Variants in ZNF570 observed in about 807,000 individuals in gnomAD.
ZNF570 encodes the protein zinc finger protein 570.
A neutral mutation model predicts 14.2 loss-of-function variants in ZNF570; 8 were observed. The ratio of observed to expected loss-of-function variants is 0.56; its 90% CI spans 0.33 to 1.02. The LOEUF is 1.02. Among genes scored for constraint, ZNF570 ranks in the 50% least tolerant of loss-of-function variants. The pLI is 0.03. For synonymous variants in ZNF570, 202 were observed against 207.6 expected (o/e 0.97, Z 0.23); for missense variants, 559 against 624.9 (o/e 0.89, Z 1.12).
rs1263360292 is a variant in ZNF570 at position 37,483,893 on chromosome 19, T to C, written c.271T>C (p.Cys91Arg). The part of the protein sequence containing the change: ...KGLCSGWEPI[C>R]ETEELTPKQD... ...TTACTTTTCAGGCTGGGAGCCTATA[T>C]GTGAGACTGAAGAATTAACCCCAAA... The change falls in exon 5 of 5, where the codon TGT (cysteine) becomes CGT (arginine). Residue 91 changes from cysteine to arginine, a missense_variant. Coordinates refer to ENST00000330173, the MANE Select transcript of ZNF570 (RefSeq NM_144694.5). 2 of 1,609,914 alleles carry C rather than the reference T, an allele frequency of 1.2e-6. No homozygotes were observed. Among genetic ancestry groups the C allele is most frequent in the Non-Finnish European group, 1.7e-6 (2 of 1,178,452 alleles).
At position 37,477,321 on chromosome 19, in the gene ZNF570, G is replaced by GTGTT. The variant is rs1568767138; in HGVS notation, c.256+890_256+891insTTGT. 3.9e-4 allele frequency among the ~76,000 whole-genome samples: 59 copies of GTGTT among 149,974 alleles called. 1 individual carries two copies. The highest frequency in any genetic ancestry group is 1.4e-3 in the African/African-American group (57 of 40,684). ...TGTGTGTGTGTGTGTGTGTGTGTGT[G>GTGTT]TGTGTGTGTGTATTTGTAACTTTTT... On this transcript the variant is annotated intron_variant, in intron 4 of 4. Coordinates refer to ENST00000330173, the MANE Select transcript of ZNF570 (RefSeq NM_144694.5).
chr19:37,477,128 A>G (rs1202070091), intron 4 of ZNF570, among the ~76,000 whole-genome samples: 1 of 152,084 alleles, frequency 6.6e-6, no homozygotes, highest in Admixed American at 6.6e-5. Context: ...GCTGAGGTAG[A>G]GGACACCCAC....
At chr19:37,468,313 T>C (rs145033604), upstream of ZNF570, among the ~76,000 whole-genome samples, 102 of 152,260 alleles carry the variant, frequency 6.7e-4, no homozygotes, top group African/African-American at 2.4e-3. Context: ...GCTCTCGAAC[T>C]CCTGAGCTCA....
chr19:37,478,069 T>G (rs763804603), intron 4 of ZNF570, among the ~76,000 whole-genome samples: 1 of 152,212 alleles, frequency 6.6e-6, no homozygotes, highest in Non-Finnish European at 1.5e-5. Context: ...CCTTTGGACA[T>G]CAATATAAAG....
intron 2 of ZNF570, among the ~76,000 whole-genome samples, chr19:37,472,589 A>G (rs1430164931): frequency 6.6e-6 from 1 of 152,052 alleles, no homozygotes; most frequent in Non-Finnish European, 1.5e-5. Flanking sequence ...AAAAACACAA[A>G]AAATTAACCG....
At chr19:37,480,170 T>C (rs2042070436) in intron 4 of ZNF570, among the ~76,000 whole-genome samples, 1 of 152,208 alleles carries the variant, frequency 6.6e-6, no homozygotes, top group African/African-American at 2.4e-5. Flanking sequence ...TTAATTCTAA[T>C]CTTTATATTT....
intron 2 of ZNF570, among the ~76,000 whole-genome samples, chr19:37,472,758 A>G (rs1046007935): frequency 4.0e-5 from 6 of 151,426 alleles, no homozygotes; most frequent in Non-Finnish European, 7.4e-5. Context: ...AAAAAAAAAA[A>G]AAGAAGGAAA....
chr19:37,469,546 G>A lies in ZNF570; in HGVS notation c.-63G>A. The A allele has an allele frequency of 6.5e-7, 1 of 1,536,466 alleles. No homozygotes were observed. The highest frequency in any genetic ancestry group is 2.0e-5 in the Admixed American group (1 of 51,006). On this transcript the variant is annotated 5_prime_UTR_variant, in exon 1 of 5. It adds an upstream start codon to the 5' untranslated region. Transcript: ENST00000330173. ...GTCGCAGGCCATCTGTGTGACTCCG[G>A]TGCGAGTGGAGGTTGGTACCGTTCA...
At chr19:37,476,495 T>TA in intron 4 of ZNF570, 61 bp downstream of exon 4, 1 of 1,550,856 alleles carries the variant, frequency 6.4e-7, no homozygotes, top group Non-Finnish European at 8.7e-7. Flanking sequence ...GACTCAAAGG[T>TA]ATCACCTCTT....
intron 4 of ZNF570, among the ~76,000 whole-genome samples, chr19:37,480,259 G>A (rs1393228536): frequency 6.6e-6 from 1 of 152,190 alleles, no homozygotes; most frequent in East Asian, 1.9e-4. Context: ...GCCGAGGCGG[G>A]TGGATCACGA....
rs1329386128 is a variant in ZNF570 at position 37,484,165 on chromosome 19, G to A, written c.543G>A (p.Lys181=). 6.2e-7 allele frequency: 1 copy of A among 1,613,598 alleles called. No individual in the cohort carries two copies. Among genetic ancestry groups the A allele is most frequent in the African/African-American group, 1.3e-5 (1 of 74,850 alleles). The change falls in exon 5 of 5, where the codon AAG becomes AAA. Residue 181 remains lysine (K), a synonymous_variant. Coordinates refer to ENST00000330173, the MANE Select transcript of ZNF570 (RefSeq NM_144694.5). ...FHQNPLLCTQ[K]IIPKEEKVHK... is the part of the protein sequence containing the mutation. ...AGAACCCACTGCTTTGTACACAAAA[G>A]ATAATCCCCAAAGAGGAGAAAGTAC... is the stretch of plus-strand genomic sequence containing the variant.
In ZNF570 at chr19:37,484,389, G is replaced by C; in HGVS notation, c.767G>C (p.Ser256Thr). ...TGTATAGAGTGTGGAAAAGCCTTCA[G>C]CCAGAGATCAAATCTTGTTCAACAT... Reference protein sequence around the residue: ...YKCIECGKAFSQRSNLVQHQR... With the variant: ...YKCIECGKAFTQRSNLVQHQR... Residue 256 changes from serine (S) to threonine (T), a missense_variant, in exon 5 of 5, where the codon AGC becomes ACC. Physicochemically the swap from Ser to Thr is moderately conservative, Grantham distance 58 (BLOSUM62 1). Coordinates refer to ENST00000330173, the MANE Select transcript of ZNF570 (RefSeq NM_144694.5). The C allele has an allele frequency of 6.2e-7, 1 of 1,614,104 alleles. No individual in the cohort carries two copies. The highest frequency in any genetic ancestry group is 8.5e-7 in the Non-Finnish European group (1 of 1,180,014).
intron 2 of ZNF570, among the ~76,000 whole-genome samples, chr19:37,471,009 A>ATTTTTTTTTTTT (rs764609936): frequency 0.11 from 9,290 of 84,006 alleles, 813 homozygotes; most frequent in African/African-American, 0.16. Context: ...CAGTGAGTAC[A>ATTTTTTTTTTTT]TTTTTTTTTT....
chr19:37,475,913 C>T lies in ZNF570; in HGVS notation c.66C>T (p.Asp22=). The change falls in exon 3 of 5, where the codon GAC becomes GAT. Residue 22 remains aspartate, a synonymous_variant. Coordinates refer to ENST00000330173, the MANE Select transcript of ZNF570 (RefSeq NM_144694.5). Reference sequence around the variant, plus strand: ...TGACCTTCAGAGATGTGGCTGTAGACTTCTCCCAAGAGGAATGGGATTGTC... The same window carrying T: ...TGACCTTCAGAGATGTGGCTGTAGATTTCTCCCAAGAGGAATGGGATTGTC... ...ELVTFRDVAV[D]FSQEEWDCLD... is the part of the protein sequence containing the mutation. 1 of 1,613,724 alleles carries T rather than the reference C, an allele frequency of 6.2e-7. No individual in the cohort carries two copies. Among genetic ancestry groups the T allele is most frequent in the Non-Finnish European group, 8.5e-7 (1 of 1,179,866 alleles).
chr19:37,485,042 G>A lies in ZNF570; in HGVS notation c.1420G>A (p.Val474Ile), dbSNP rs2042137761. 1 of 1,614,114 alleles carries A rather than the reference G, an allele frequency of 6.2e-7. No individual in the cohort carries two copies. The highest frequency in any genetic ancestry group is 1.3e-5 in the African/African-American group (1 of 75,008). Residue 474 changes from valine (V) to isoleucine (I), a missense_variant, in exon 5 of 5, where the codon GTT (valine) becomes ATT (isoleucine). Physicochemically the swap from Val to Ile is conservative, Grantham distance 29. Coordinates refer to ENST00000330173, the MANE Select transcript of ZNF570 (RefSeq NM_144694.5). ...HTGEKPYECT[V>I]CGKAFSYCGS... is the part of the protein sequence containing the mutation. The stretch of plus-strand genomic sequence containing the variant: ...TGGAGAGAAACCTTATGAATGTACT[G>A]TTTGTGGAAAGGCTTTTAGTTACTG...
chr19:37,484,997 C>G lies in ZNF570; in HGVS notation c.1375C>G (p.Gln459Glu). 6 of 1,614,090 alleles carry G rather than the reference C, an allele frequency of 3.7e-6. 1 individual carries two copies. In the South Asian group the frequency reaches 6.6e-5, roughly 18 times the overall value. ...TTTTAGCAATGACTCGTCCCTTACT[C>G]AACATCAGCGAGTTCATACTGGAGA... ...KAFSNDSSLTQHQRVHTGEKP... is the reference protein window; with the variant it reads ...KAFSNDSSLTEHQRVHTGEKP... The change falls in exon 5 of 5, where the codon CAA becomes GAA. Residue 459 changes from glutamine to glutamate, a missense_variant. Physicochemically the swap from Gln to Glu is conservative, Grantham distance 29. Coordinates refer to ENST00000330173, the MANE Select transcript of ZNF570 (RefSeq NM_144694.5).
Position 37,488,623 on chromosome 19 carries a change from A to G in ZNF570, c.*3390A>G, listed in dbSNP as rs2042180501. 6.6e-6 allele frequency: 1 copy of G among 152,144 alleles called. No homozygotes were observed. Among genetic ancestry groups the G allele is most frequent in the Non-Finnish European group, 1.5e-5 (1 of 68,030 alleles). The allele number at this position is 152,144 out of a possible 1,614,324, so 9.4% of individuals were successfully genotyped here. On this transcript the variant is annotated 3_prime_UTR_variant, in exon 5 of 5. Coordinates refer to ENST00000330173, the MANE Select transcript of ZNF570 (RefSeq NM_144694.5). ...TATCTTTCTGTATAAACTATTTCAT[A>G]ATGCAAAAAAATAAAGAATATTTAA... is the stretch of plus-strand genomic sequence containing the variant.
intron 2 of ZNF570, among the ~76,000 whole-genome samples, chr19:37,472,599 G>A (rs777134411): frequency 1.3e-3 from 197 of 152,056 alleles, no homozygotes; most frequent in Non-Finnish European, 1.7e-3. Flanking sequence ...AAAATTAACC[G>A]GGCGTAGTTG....
chr19:37,476,779 G>A (rs1338725318), intron 4 of ZNF570, among the ~76,000 whole-genome samples: 2 of 144,438 alleles, frequency 1.4e-5, no homozygotes, highest in South Asian at 2.2e-4. Context: ...GTGCAGTCTC[G>A]GCTCACTGCA....
Sources: gnomAD v4.1 joint callset for allele counts (sites outside exome capture counted in the v4.1 genomes callset) on GRCh38, gnomAD v4.1.1 for gene constraint, MANE v1.5 for transcripts, NCBI Gene and HGNC (gene_info 2026-07-23, HGNC 2026-07-21) for gene names.